Variants in GNAL observed in about 807,000 individuals in gnomAD.
The protein encoded by GNAL is guanine nucleotide-binding protein G(olf) subunit alpha.
In GNAL, 18 loss-of-function variants were observed where a neutral mutation model predicts 55.1. The observed-to-expected ratio is 0.33, with a 90% CI of 0.23 to 0.48. The LOEUF (loss-of-function observed/expected upper bound fraction) is 0.48. Ranked by LOEUF, GNAL falls within the 20% of genes least tolerant of loss-of-function variation. The pLI, the probability that GNAL is intolerant of heterozygous loss-of-function variation, is 0.99. For synonymous variants in GNAL, 253 were observed against 237.0 expected, an observed-to-expected ratio of 1.07 and a Z score of -0.62; for missense variants, 412 against 614.1, an observed-to-expected ratio of 0.67 and a Z score of 3.48.
Position 11,885,228 on chromosome 18 carries a change from T to C in GNAL, c.*4093T>C. ...TGAGCTGGATGCAGGAGCCCATGGC[T>C]GAAAGGAGTTAAAACGCCCAGTGGT... On this transcript the variant is annotated 3_prime_UTR_variant, in exon 12 of 12. Coordinates refer to ENST00000334049, the MANE Select transcript of GNAL (RefSeq NM_182978.4). 1 of 323,484 alleles carries C rather than the reference T, an allele frequency of 3.1e-6. No homozygotes were observed. The highest frequency in any genetic ancestry group is 3.3e-5 in the South Asian group (1 of 30,518). The allele number at this position is 323,484 out of a possible 1,614,324, so 20.0% of individuals were successfully genotyped here.
chr18:11,769,159 A>G (rs1053124342), intron 4 of GNAL, among the ~76,000 whole-genome samples: 3 of 129,240 alleles, frequency 2.3e-5, no homozygotes, highest in Admixed American at 1.7e-4. Context: ...TATATAAATT[A>G]TATGTAATAT....
chr18:11,767,410 G>C (rs1267251694), intron 4 of GNAL, among the ~76,000 whole-genome samples: 3 of 150,086 alleles, frequency 2.0e-5, no homozygotes, highest in Non-Finnish European at 4.4e-5. Context: ...CCTTATACTT[G>C]TACCCCTGCC....
chr18:11,852,906 T>C (rs2035914534), intron 5 of GNAL: 1 of 167,032 alleles, frequency 6.0e-6, no homozygotes, highest in African/African-American at 2.4e-5. Flanking sequence ...TGACAGTGTC[T>C]TTCAAACGAA....
At chr18:11,786,731 G>A (rs901373529) in intron 4 of GNAL, among the ~76,000 whole-genome samples, 6 of 151,050 alleles carry the variant, frequency 4.0e-5, no homozygotes, top group African/African-American at 9.7e-5. Context: ...GATTACAGAC[G>A]TGAGCCACCG....
chr18:11,716,897 G>A (rs182571174), intron 1 of GNAL, among the ~76,000 whole-genome samples: 3,103 of 152,346 alleles, frequency 0.02, 60 homozygotes, highest in Middle Eastern at 0.048. Context: ...AGTGGATCCC[G>A]CACGGGGGCT....
At chr18:11,858,703 T>G (rs192015740) in intron 5 of GNAL, among the ~76,000 whole-genome samples, 2 of 151,860 alleles carry the variant, frequency 1.3e-5, no homozygotes, top group Admixed American at 1.3e-4. Context: ...GGGGTGAATA[T>G]TCACATTTTA....
At position 11,747,460 on chromosome 18, in the gene GNAL, G is replaced by A. The variant is rs144714683; in HGVS notation, c.377-5393G>A. On this transcript the variant is annotated intron_variant, in intron 1 of 11. Transcript: ENST00000334049. ...CTGTTCATGCCCTTGAGGCTTGAAT[G>A]CCACTACCCAGGCAGGGTGCAGTGG... is the stretch of plus-strand genomic sequence containing the variant. The A allele has an allele frequency of 5.7e-4, 92 of 162,336 alleles. 1 individual carries two copies. The highest frequency in any genetic ancestry group is 2.9e-3 in the Admixed American group (45 of 15,782). 10.1% of individuals were successfully genotyped at this position (162,336 alleles called of 1,614,324 possible). A position where few individuals can be genotyped will look rare whatever the true frequency, so the allele number is the denominator to read the frequency against.
intron 5 of GNAL, among the ~76,000 whole-genome samples, chr18:11,856,761 A>AC (rs1190023857): frequency 4.8e-5 from 7 of 146,172 alleles, no homozygotes; most frequent in African/African-American, 1.9e-4. Flanking sequence ...CCCCGTCTCT[A>AC]CTAAAAATGC....
intron 5 of GNAL, chr18:11,853,298 CTT>C (rs778309475): frequency 1.2e-5 from 2 of 167,108 alleles, no homozygotes; most frequent in African/African-American, 2.4e-5. Flanking sequence ...AAGCTTGAGT[CTT>C]TAAGGCTAGA....
At chr18:11,804,828 G>A (rs1332038522) in intron 4 of GNAL, among the ~76,000 whole-genome samples, 2 of 138,178 alleles carry the variant, frequency 1.4e-5, no homozygotes, top group Non-Finnish European at 3.1e-5. Flanking sequence ...AGTTTGAGTG[G>A]AACACGGAGA....
intron 4 of GNAL, among the ~76,000 whole-genome samples, chr18:11,759,919 T>C (rs1479084135): frequency 3.3e-5 from 5 of 152,110 alleles, no homozygotes; most frequent in Admixed American, 2.6e-4. Flanking sequence ...CCAACCAAGC[T>C]GAAGCCCACC....
intron 1 of GNAL, 37 bp downstream of exon 1, chr18:11,689,976 G>A: frequency 1.7e-6 from 2 of 1,196,764 alleles, no homozygotes; most frequent in African/African-American, 3.2e-5. Context: ...ACGCCCCGGG[G>A]ACAGCGCGCC....
intron 1 of GNAL, among the ~76,000 whole-genome samples, chr18:11,707,252 A>G (rs759884388): frequency 8.5e-5 from 13 of 152,200 alleles, no homozygotes; most frequent in Non-Finnish European, 1.3e-4. Flanking sequence ...GCTATGAAAC[A>G]TATTTCTGAA....
chr18:11,716,239 C>T (rs1433234459), intron 1 of GNAL, among the ~76,000 whole-genome samples: 1 of 152,170 alleles, frequency 6.6e-6, no homozygotes, highest in African/African-American at 2.4e-5. Flanking sequence ...AGCCGCGGAC[C>T]CTCGCGGTGA....
chr18:11,850,518 T>A (rs2035833580), intron 5 of GNAL, among the ~76,000 whole-genome samples: 1 of 152,194 alleles, frequency 6.6e-6, no homozygotes, highest in South Asian at 2.1e-4. Flanking sequence ...TTGCTGCCAT[T>A]TGAAAGCCAG....
At chr18:11,851,413 C>T in intron 5 of GNAL, 1 of 1,388,750 alleles carries the variant, frequency 7.2e-7, no homozygotes, top group Non-Finnish European at 9.5e-7. Context: ...GAAGTGGGAC[C>T]AAAACAAAGG....
intron 4 of GNAL, among the ~76,000 whole-genome samples, chr18:11,803,262 G>T (rs923644513): frequency 6.6e-6 from 1 of 152,130 alleles, no homozygotes; most frequent in Non-Finnish European, 1.5e-5. Context: ...CCCTGGCAAC[G>T]ATGCTTCTAC....
rs1260868344 is a variant in GNAL at position 11,881,869 on chromosome 18, A to G, written c.*734A>G. 6.6e-6 allele frequency: 1 copy of G among 152,608 alleles called. No homozygotes were observed. The highest frequency in any genetic ancestry group is 1.5e-5 in the Non-Finnish European group (1 of 68,054). 9.5% of individuals were successfully genotyped at this position (152,608 alleles called of 1,614,324 possible). A position where few individuals can be genotyped will look rare whatever the true frequency, so the allele number is the denominator to read the frequency against. On this transcript the variant is annotated 3_prime_UTR_variant, in exon 12 of 12. Coordinates refer to ENST00000334049, the MANE Select transcript of GNAL (RefSeq NM_182978.4). This position sits in a 1 kb window ranked among gnomAD's most constrained non-coding sequence, Gnocchi z 4.8. The stretch of plus-strand genomic sequence containing the variant: ...TTACACTGTACAGACCACAAAATGT[A>G]ATATTCTTTTGTATAACTACTAAAG...
chr18:11,875,129 G>A (rs2036501038), intron 10 of GNAL, among the ~76,000 whole-genome samples: 1 of 152,190 alleles, frequency 6.6e-6, no homozygotes, highest in African/African-American at 2.4e-5. Flanking sequence ...TGAGTGGGGA[G>A]CAGGAACAGG....
Sources: allele counts gnomAD v4.1 joint callset (sites outside exome capture counted in the v4.1 genomes callset), GRCh38; gene constraint gnomAD v4.1.1; non-coding constraint Gnocchi (gnomAD v3.1); transcripts MANE v1.5; gene names NCBI Gene and HGNC (gene_info 2026-07-23, HGNC 2026-07-21).